The following SRRM3 variants were observed in gnomAD, a reference collection of about 807,000 sequenced individuals.
SRRM3 encodes serine/arginine repetitive matrix 3, also known as serine/arginine repetitive matrix protein 3.
Under a neutral mutation model 66.2 loss-of-function variants are expected in SRRM3, and 27 were observed. That is an observed-to-expected ratio of 0.41 (90% confidence interval 0.30 to 0.56). The LOEUF is 0.56. Among genes scored for constraint, SRRM3 ranks in the 20% least tolerant of loss-of-function variants. SRRM3 has a pLI of 0.32. For synonymous variants in SRRM3, 391 were observed against 414.9 expected, an observed-to-expected ratio of 0.94 and a Z score of 0.70; for missense variants, 918 against 991.9, an observed-to-expected ratio of 0.93 and a Z score of 1.00.
chr7:76,202,471 G>A (rs1800175093), intron 1 of SRRM3, among the ~76,000 whole-genome samples: 1 of 152,134 alleles, frequency 6.6e-6, no homozygotes, highest in South Asian at 2.1e-4. Context: ...CCCCCACCTG[G>A]ATGCTGGGCC....
chr7:76,259,008 T>C (rs1190841317), intron 3 of SRRM3, among the ~76,000 whole-genome samples: 1 of 150,730 alleles, frequency 6.6e-6, no homozygotes, highest in Non-Finnish European at 1.5e-5. Context: ...TGCAGGAGAC[T>C]GCAGCAGGCA....
chr7:76,225,454 G>A (rs1327439003), intron 1 of SRRM3, among the ~76,000 whole-genome samples: 1 of 152,066 alleles, frequency 6.6e-6, no homozygotes, highest in Admixed American at 6.6e-5. Flanking sequence ...CTAGAGGAAC[G>A]GTGCTGCCCC....
chr7:76,232,061 C>T (rs1801029150), intron 1 of SRRM3, among the ~76,000 whole-genome samples: 1 of 152,182 alleles, frequency 6.6e-6, no homozygotes, highest in African/African-American at 2.4e-5. Context: ...CAGGCCGTAT[C>T]AAGGACCATG....
chr7:76,285,895 C>A lies in SRRM3; in HGVS notation c.*52C>A. 6.6e-7 allele frequency: 1 copy of A among 1,504,408 alleles called. No individual in the cohort carries two copies. The highest frequency in any genetic ancestry group is 8.9e-7 in the Non-Finnish European group (1 of 1,120,010). 93.2% of individuals were successfully genotyped at this position (1,504,408 alleles called of 1,614,324 possible). On this transcript the variant is annotated 3_prime_UTR_variant, in exon 15 of 15. Coordinates refer to ENST00000611745, the MANE Select transcript of SRRM3 (RefSeq NM_001110199.3). This position sits in a 1 kb window ranked among gnomAD's most constrained non-coding sequence, Gnocchi z 4.1. ...CCCTGGCACTGGGAGAGGCGAGGGG[C>A]GGGCCCCAGGACCCCAGTGGGGAGG...
At chr7:76,264,743 C>G (rs368900579) in intron 8 of SRRM3, 22 bp from the exon 9 acceptor site, 23 of 1,613,462 alleles carry the variant, frequency 1.4e-5, no homozygotes, top group Non-Finnish European at 1.9e-5. Flanking sequence ...CACACCATCA[C>G]TGTGGTCTCT....
In SRRM3 at chr7:76,208,529, G is replaced by A. The variant is rs369629115; in HGVS notation, c.-40+6462G>A. On this transcript the variant is annotated intron_variant, in intron 1 of 14. Coordinates refer to ENST00000611745, the MANE Select transcript of SRRM3 (RefSeq NM_001110199.3). ...ACAAAAAAAAAAAGAAGAAGAAGAA[G>A]AAAGAAAGAAAAAGAAAAAATTAAG... Among the ~76,000 whole-genome samples, 43 of 151,300 alleles carry A rather than the reference G, an allele frequency of 2.8e-4. 1 individual carries two copies. In the South Asian group the frequency reaches 7.8e-3, roughly 27 times the overall value.
At chr7:76,233,193 T>C (rs553951305) in intron 1 of SRRM3, among the ~76,000 whole-genome samples, 1 of 152,276 alleles carries the variant, frequency 6.6e-6, no homozygotes, top group Non-Finnish European at 1.5e-5. Context: ...TGCCTGTAGT[T>C]CCAGCTACTG....
intron 6 of SRRM3, 75 bp downstream of exon 6, chr7:76,260,978 C>A (rs757676181): frequency 3.3e-5 from 49 of 1,493,408 alleles, no homozygotes; most frequent in Non-Finnish European, 4.3e-5. Context: ...GGCCATCCCC[C>A]AGAGGCCGGA....
chr7:76,218,845 TTTTG>T lies in SRRM3; in HGVS notation c.-39-16171_-39-16168del, dbSNP rs1275429408. ...AGGCATGCACCATCACACCTGGCCTTTTTGTTTGTTTGTTTTTTGTTTTTTTCAG... is the reference window on the plus strand; with the variant it reads ...AGGCATGCACCATCACACCTGGCCTTTTTGTTTGTTTTTTGTTTTTTTCAG... On this transcript the variant is annotated intron_variant, in intron 1 of 14. Coordinates refer to ENST00000611745, the MANE Select transcript of SRRM3 (RefSeq NM_001110199.3). Among the ~76,000 whole-genome samples, 10 of 150,846 alleles carry T rather than the reference TTTTG, an allele frequency of 6.6e-5. 1 individual carries two copies. In the East Asian group the frequency reaches 1.4e-3, roughly 21 times the overall value.
In SRRM3 at chr7:76,282,831, C is replaced by T. The variant is rs1554612192; in HGVS notation, c.1554C>T (p.His518=). The change falls in exon 13 of 15, where the codon CAC becomes CAT. Residue 518 remains histidine, a synonymous_variant. Coordinates refer to ENST00000611745, the MANE Select transcript of SRRM3 (RefSeq NM_001110199.3). ...SRSRSAEKRP[H]SPSRSPSPKK... ...CGCGCTCTGCGGAGAAGCGGCCCCA[C>T]AGCCCCAGCCGCTCGCCGTCGCCCA... is the stretch of plus-strand genomic sequence containing the variant. The T allele has an allele frequency of 3.4e-6, 5 of 1,457,146 alleles. 1 individual carries two copies. In the South Asian group the frequency reaches 6.6e-5, roughly 19 times the overall value. 90.3% of individuals were successfully genotyped at this position (1,457,146 alleles called of 1,614,324 possible).
At chr7:76,203,828 G>T (rs1430111545) in intron 1 of SRRM3, among the ~76,000 whole-genome samples, 1 of 151,852 alleles carries the variant, frequency 6.6e-6, no homozygotes, top group Middle Eastern at 3.4e-3. Context: ...GAGTATCAAG[G>T]CCCAGTTCAA....
In SRRM3 at chr7:76,281,455, C is replaced by G. The variant is rs1232776788; in HGVS notation, c.1023C>G (p.Pro341=). 8.9e-6 allele frequency: 11 copies of G among 1,236,250 alleles called. No homozygotes were observed. Among genetic ancestry groups the G allele is most frequent in the African/African-American group, 1.6e-5 (1 of 64,142 alleles). 76.6% of individuals were successfully genotyped at this position (1,236,250 alleles called of 1,614,324 possible). A position where few individuals can be genotyped will look rare whatever the true frequency, so the allele number is the denominator to read the frequency against. The change falls in exon 12 of 15, where the codon CCC becomes CCG. Residue 341 remains proline (P), a synonymous_variant. Transcript: ENST00000611745. The part of the protein sequence containing the change: ...AHSPPDKPSS[P]SPRVRDKAAA... The stretch of plus-strand genomic sequence containing the variant: ...CTCCCCGTCAGAAGCCCAGCTCGCC[C>G]TCGCCCAGGGTCCGTGACAAGGCGG...
chr7:76,224,240 T>G (rs1214270738), intron 1 of SRRM3, among the ~76,000 whole-genome samples: 4 of 148,154 alleles, frequency 2.7e-5, no homozygotes, highest in African/African-American at 7.5e-5. Context: ...CTGCCAGTCC[T>G]GGCTAATTTT....
intron 14 of SRRM3, chr7:76,283,483 G>A: frequency 2.6e-6 from 1 of 384,582 alleles, no homozygotes; most frequent in Non-Finnish European, 5.1e-6. Context: ...CCCTGCATCC[G>A]TCTCCGGACA....
chr7:76,205,531 C>A (rs1240535004), intron 1 of SRRM3, among the ~76,000 whole-genome samples: 1 of 152,194 alleles, frequency 6.6e-6, no homozygotes, highest in Non-Finnish European at 1.5e-5. Context: ...CTTTACAACA[C>A]CAGCTGCAAA....
At chr7:76,265,828 TTATATATATATATATA>T (rs1167434051) in intron 10 of SRRM3, among the ~76,000 whole-genome samples, 2 of 25,586 alleles carry the variant, frequency 7.8e-5, no homozygotes, top group Non-Finnish European at 1.0e-4. Flanking sequence ...TAATAAATAT[TTATATATATATATATA>T]TATATATATA....
In SRRM3 at chr7:76,261,339, CCT is replaced by C; in HGVS notation, c.576-12_576-11del. On this transcript the variant is annotated splice_polypyrimidine_tract_variant and intron_variant, in intron 6 of 14. Transcript: ENST00000611745. ...ACCCCAGCTCACTAGAGCCCACCTCCCTGTGTCCACAGCTGTGGGAGCTCCTC... is the reference window on the plus strand; with the variant it reads ...ACCCCAGCTCACTAGAGCCCACCTCCGTGTCCACAGCTGTGGGAGCTCCTC... 6.5e-6 allele frequency: 8 copies of C among 1,235,190 alleles called. No individual in the cohort carries two copies. The highest frequency in any genetic ancestry group is 8.7e-6 in the Non-Finnish European group (8 of 914,530). The allele number at this position is 1,235,190 out of a possible 1,614,324, so 76.5% of individuals were successfully genotyped here. A position where few individuals can be genotyped will look rare whatever the true frequency, so the allele number is the denominator to read the frequency against.
rs183791555 is a variant in SRRM3, at chr7:76,226,850, C to T, written c.-39-8178C>T. 7.6e-3 allele frequency among the ~76,000 whole-genome samples: 1,152 copies of T among 152,304 alleles called. 6 individuals carry two copies. Among genetic ancestry groups the T allele is most frequent in the South Asian group, 0.02 (97 of 4,822 alleles). ...AGGTGATCCACCTGCTTCGGCCTCCCAAAGTGCTGAGATTACAGGCATAAG... is the reference window on the plus strand; with the variant it reads ...AGGTGATCCACCTGCTTCGGCCTCCTAAAGTGCTGAGATTACAGGCATAAG... On this transcript the variant is annotated intron_variant, in intron 1 of 14. Coordinates refer to ENST00000611745, the MANE Select transcript of SRRM3 (RefSeq NM_001110199.3).
At position 76,259,901 on chromosome 7, in the gene SRRM3, G is replaced by A. The variant is rs1467504234; in HGVS notation, c.336-5G>A. On this transcript the variant is annotated splice_region_variant and splice_polypyrimidine_tract_variant and intron_variant, in intron 3 of 14. Transcript: ENST00000611745. ...ACTGGTGGTGAGCGTCCCTGTCGCCGGCAGTGTGGCGGAGACCCCGCGGCT... is the reference window on the plus strand; with the variant it reads ...ACTGGTGGTGAGCGTCCCTGTCGCCAGCAGTGTGGCGGAGACCCCGCGGCT... The A allele has an allele frequency of 6.2e-7, 1 of 1,601,258 alleles. No individual in the cohort carries two copies. Among genetic ancestry groups the A allele is most frequent in the South Asian group, 1.1e-5 (1 of 91,014 alleles).
Sources: gnomAD v4.1 joint callset for allele counts (sites outside exome capture counted in the v4.1 genomes callset) on GRCh38, gnomAD v4.1.1 for gene constraint, Gnocchi (gnomAD v3.1) non-coding constraint, MANE v1.5 for transcripts, NCBI Gene and HGNC (gene_info 2026-07-23, HGNC 2026-07-21) for gene names.